The following LAMA2 variants were observed in gnomAD, a reference collection of about 807,000 sequenced individuals.
LAMA2 encodes laminin subunit alpha 2.
A neutral mutation model predicts 364.8 loss-of-function variants in LAMA2; 269 were observed. The ratio of observed to expected loss-of-function variants is 0.74; its 90% CI spans 0.67 to 0.82. LAMA2 has a LOEUF of 0.82. LAMA2 is among the 40% of genes least tolerant of loss of function. The probability of loss-of-function intolerance (pLI) is 0.00; values close to 1 mark genes in which losing one functional copy is unlikely to be tolerated. For missense variants in LAMA2, 3,807 were observed against 3,873.2 expected, an observed-to-expected ratio of 0.98 and a Z score of 0.45; for synonymous variants, 1,379 against 1,370.6, an observed-to-expected ratio of 1.01 and a Z score of -0.14.
At chr6:129,344,100 A>G (rs1776413950) in intron 30 of LAMA2, among the ~76,000 whole-genome samples, 1 of 152,286 alleles carries the variant, frequency 6.6e-6, no homozygotes, top group Middle Eastern at 3.4e-3. Context: ...AGGAAACACT[A>G]CAAGTTTTTA....
Position 129,356,599 on chromosome 6 carries a change from A to G in LAMA2, c.4717+3242A>G, listed in dbSNP as rs147093775. On this transcript the variant is annotated intron_variant, in intron 32 of 64. Transcript: ENST00000421865. ...AGCATGGGTCAGTCTTACAAATCTT[A>G]TTTTCTTAACCTCTATGCTGGCTAC... 1.2e-3 allele frequency among the ~76,000 whole-genome samples: 182 copies of G among 152,054 alleles called. 1 individual carries two copies. Among genetic ancestry groups the G allele is most frequent in the African/African-American group, 4.2e-3 (175 of 41,514 alleles).
At chr6:128,929,744 G>A (rs1348203772) in intron 1 of LAMA2, 2 of 1,219,384 alleles carry the variant, frequency 1.6e-6, no homozygotes, top group Admixed American at 1.7e-5. Context: ...TGTACCAATC[G>A]TAGCTGGATA....
chr6:129,290,827 A>T (rs1323638895), intron 19 of LAMA2, among the ~76,000 whole-genome samples: 1 of 152,224 alleles, frequency 6.6e-6, no homozygotes, highest in Non-Finnish European at 1.5e-5. Context: ...AAGACAAAAG[A>T]TTACTTAAAT....
At chr6:129,452,106 A>C (rs1201450525) in intron 45 of LAMA2, among the ~76,000 whole-genome samples, 2 of 152,234 alleles carry the variant, frequency 1.3e-5, no homozygotes, top group Non-Finnish European at 2.9e-5. Flanking sequence ...ACAAAGTTAC[A>C]GATTCTCTCT....
intron 39 of LAMA2, among the ~76,000 whole-genome samples, chr6:129,403,266 ATT>A (rs1780074435): frequency 2.6e-5 from 1 of 38,848 alleles, no homozygotes; most frequent in Non-Finnish European, 4.8e-5. Context: ...CTATCATTTT[ATT>A]TTATGTCAAA....
intron 4 of LAMA2, 126 bp downstream of exon 4, chr6:129,098,541 T>A: frequency 1.8e-6 from 2 of 1,109,022 alleles, no homozygotes; most frequent in Non-Finnish European, 2.6e-6. Context: ...AAAGTACATT[T>A]AAATGAGTTA....
At position 128,883,240 on chromosome 6, in the gene LAMA2, A is replaced by AC; in HGVS notation, c.-5dup. On this transcript the variant is annotated 5_prime_UTR_variant, in exon 1 of 65. Coordinates refer to ENST00000421865, the MANE Select transcript of LAMA2 (RefSeq NM_000426.4). Reference sequence around the variant, plus strand: ...CCGAGAAGTGGATCCGGTCGCGGCCACTACGATGCCGGGAGCCGCCGGGGT... The same window carrying AC: ...CCGAGAAGTGGATCCGGTCGCGGCCACCTACGATGCCGGGAGCCGCCGGGGT... 6.4e-7 allele frequency: 1 copy of AC among 1,550,404 alleles called. No homozygotes were observed. The highest frequency in any genetic ancestry group is 1.4e-5 in the African/African-American group (1 of 73,320).
intron 1 of LAMA2, among the ~76,000 whole-genome samples, chr6:128,925,220 TC>T (rs1779010251): frequency 6.6e-6 from 1 of 152,226 alleles, no homozygotes; most frequent in South Asian, 2.1e-4. Flanking sequence ...TACATCTCTG[TC>T]ATAGTAGCAT....
At chr6:129,355,175 A>G (rs1008218673) in intron 32 of LAMA2, among the ~76,000 whole-genome samples, 1 of 152,168 alleles carries the variant, frequency 6.6e-6, no homozygotes. Flanking sequence ...TAATTATCTT[A>G]TAATTATGCT....
chr6:129,133,741 G>A (rs1022845145), intron 4 of LAMA2, among the ~76,000 whole-genome samples: 1 of 152,136 alleles, frequency 6.6e-6, no homozygotes, highest in African/African-American at 2.4e-5. Context: ...CATTAAATCA[G>A]TGGAGGCTGC....
intron 12 of LAMA2, among the ~76,000 whole-genome samples, chr6:129,226,583 A>G (rs936278211): frequency 7.9e-5 from 12 of 151,722 alleles, no homozygotes; most frequent in East Asian, 3.9e-4. Context: ...TTTCTCCTTC[A>G]CTTATGAAGC....
chr6:128,929,988 C>T lies in LAMA2; in HGVS notation c.112+46631C>T, dbSNP rs905946313. On this transcript the variant is annotated intron_variant, in intron 1 of 64. Coordinates refer to ENST00000421865, the MANE Select transcript of LAMA2 (RefSeq NM_000426.4). The stretch of plus-strand genomic sequence containing the variant: ...ATCCTGCGGAGGCGATCTTTGCGCA[C>T]GGCGGCGTTATCCCACGCTGCCAGC... The T allele has an allele frequency of 1.6e-5, 9 of 579,410 alleles. No homozygotes were observed. The Admixed American group carries it at 2.2e-4, about 14-fold the overall frequency. The allele number at this position is 579,410 out of a possible 1,614,324, so 35.9% of individuals were successfully genotyped here.
chr6:129,217,142 T>C (rs1273127355), intron 12 of LAMA2, among the ~76,000 whole-genome samples: 1 of 151,514 alleles, frequency 6.6e-6, no homozygotes, highest in African/African-American at 2.4e-5. Context: ...TGAGCTGAGA[T>C]CGTGCCTCTG....
At position 128,932,709 on chromosome 6, in the gene LAMA2, A is replaced by C. The variant is rs562706310; in HGVS notation, c.112+49352A>C. Reference sequence around the variant, plus strand: ...CTAGATTTATAGAGGTATAATTGACAATTAAAAATTGTGTATATTCTAGAT... The same window carrying C: ...CTAGATTTATAGAGGTATAATTGACCATTAAAAATTGTGTATATTCTAGAT... On this transcript the variant is annotated intron_variant, in intron 1 of 64. Coordinates refer to ENST00000421865, the MANE Select transcript of LAMA2 (RefSeq NM_000426.4). 2.9e-4 allele frequency among the ~76,000 whole-genome samples: 44 copies of C among 152,302 alleles called. No homozygotes were observed. The South Asian group carries it at 5.0e-3, about 17-fold the overall frequency.
At chr6:129,270,177 T>C (rs955281379) in intron 16 of LAMA2, among the ~76,000 whole-genome samples, 2 of 151,736 alleles carry the variant, frequency 1.3e-5, no homozygotes, top group Non-Finnish European at 2.9e-5. Flanking sequence ...ACAGTTCCCA[T>C]TAAATCAGCA....
Position 129,486,559 on chromosome 6 carries a change from G to T in LAMA2, c.7835G>T (p.Arg2612Ile). The change falls in exon 56 of 65, where the codon AGA becomes ATA. Residue 2612 changes from arginine to isoleucine, a missense_variant. Coordinates refer to ENST00000421865, the MANE Select transcript of LAMA2 (RefSeq NM_000426.4). ...GARTMRKIVIRPEPNLFHDGR... is the reference protein window; with the variant it reads ...GARTMRKIVIIPEPNLFHDGR... ...CGAACAATGAGGAAAATTGTGATCA[G>T]ACCAGAGCCGAATCTGTTTCATGAT... The T allele has an allele frequency of 6.2e-7, 1 of 1,613,996 alleles. No homozygotes were observed. The highest frequency in any genetic ancestry group is 8.5e-7 in the Non-Finnish European group (1 of 1,179,916).
intron 45 of LAMA2, among the ~76,000 whole-genome samples, chr6:129,447,029 T>C (rs1782420092): frequency 6.6e-6 from 1 of 152,212 alleles, no homozygotes; most frequent in East Asian, 1.9e-4. Flanking sequence ...ATTATGTATG[T>C]AAAGCACAAG....
In LAMA2 at chr6:129,507,594, A is replaced by G. The variant is rs1786202034; in HGVS notation, c.8809A>G (p.Asn2937Asp). 2 of 1,614,190 alleles carry G rather than the reference A, an allele frequency of 1.2e-6. No individual in the cohort carries two copies. The highest frequency in any genetic ancestry group is 1.7e-6 in the Non-Finnish European group (2 of 1,180,012). Residue 2937 changes from asparagine (N) to aspartate (D), a missense_variant, in exon 62 of 65, where the codon AAT becomes GAT. By Grantham distance (23) the Asn-to-Asp change is conservative. Transcript: ENST00000421865. ...CTTCCATGTTGGGACATGTTTTGCA[A>G]ATGCTCAGAGGGGAACATATTTTGA... ...SSFHVGTCFA[N>D]AQRGTYFDGT...
intron 45 of LAMA2, among the ~76,000 whole-genome samples, chr6:129,451,331 G>T (rs563546224): frequency 4.6e-5 from 7 of 152,252 alleles, no homozygotes; most frequent in Admixed American, 3.3e-4. Context: ...GTCTCCCTAG[G>T]ACACAGAACA....
Sources: allele counts gnomAD v4.1 joint callset (sites outside exome capture counted in the v4.1 genomes callset), GRCh38; gene constraint gnomAD v4.1.1; transcripts MANE v1.5; gene names NCBI Gene and HGNC (gene_info 2026-07-23, HGNC 2026-07-21).